CRPPA: variants seen among roughly 807,000 people sequenced by gnomAD.
CRPPA encodes CDP-L-ribitol pyrophosphorylase A, also known as D-ribitol-5-phosphate cytidylyltransferase.
CRPPA carries 43 observed loss-of-function variants against 52.0 expected under a neutral mutation model. The observed-to-expected ratio is 0.83, with a 90% CI of 0.65 to 1.07. The LOEUF is 1.07. CRPPA is among the 50% of genes least tolerant of loss of function. The probability of loss-of-function intolerance (pLI) is 0.00; values close to 1 mark genes in which losing one functional copy is unlikely to be tolerated. For missense variants in CRPPA, 629 were observed against 551.7 expected, an observed-to-expected ratio of 1.14 and a Z score of -1.40; for synonymous variants, 250 against 203.5, an observed-to-expected ratio of 1.23 and a Z score of -1.94.
intron 2 of CRPPA, among the ~76,000 whole-genome samples, chr7:16,385,817 C>T (rs1787251019): frequency 2.0e-5 from 3 of 152,212 alleles, no homozygotes; most frequent in Admixed American, 1.3e-4. Context: ...TGTGGCTCAT[C>T]TGTTTGGCTG....
intron 9 of CRPPA, among the ~76,000 whole-genome samples, chr7:16,094,489 C>CA (rs1013077870): frequency 3.3e-5 from 5 of 151,568 alleles, no homozygotes; most frequent in Non-Finnish European, 5.9e-5. Context: ...AGCAAACATA[C>CA]AAAAAAAATG....
intron 6 of CRPPA, among the ~76,000 whole-genome samples, chr7:16,265,951 C>T (rs759653208): frequency 5.9e-4 from 90 of 152,174 alleles, no homozygotes; most frequent in Non-Finnish European, 1.1e-3. Context: ...GGTCCACATA[C>T]ATAACCTCTA....
intron 2 of CRPPA, among the ~76,000 whole-genome samples, chr7:16,379,614 A>G (rs1201114435): frequency 6.6e-6 from 1 of 152,104 alleles, no homozygotes; most frequent in Non-Finnish European, 1.5e-5. Flanking sequence ...GATTCCTCCT[A>G]CCCATGAGCA....
intron 8 of CRPPA, among the ~76,000 whole-genome samples, chr7:16,248,244 T>C (rs1256698130): frequency 6.6e-6 from 1 of 152,084 alleles, no homozygotes. Context: ...GTGGCTGAGC[T>C]GGAGGGATCA....
At chr7:16,213,413 T>C (rs902408902) in intron 9 of CRPPA, among the ~76,000 whole-genome samples, 1 of 150,230 alleles carries the variant, frequency 6.7e-6, no homozygotes, top group East Asian at 2.0e-4. Flanking sequence ...GGGGACTTAT[T>C]TATAATAATT....
chr7:16,389,417 T>C (rs1787378905), intron 2 of CRPPA, among the ~76,000 whole-genome samples: 1 of 152,066 alleles, frequency 6.6e-6, no homozygotes, highest in African/African-American at 2.4e-5. Flanking sequence ...CATGACCAAG[T>C]GGGATTTATC....
At chr7:16,378,341 A>C (rs1486434388) in intron 2 of CRPPA, among the ~76,000 whole-genome samples, 5 of 136,714 alleles carry the variant, frequency 3.7e-5, no homozygotes, top group Non-Finnish European at 6.1e-5. Flanking sequence ...ATTCCCACCT[A>C]TGAGTGAGAA....
intron 9 of CRPPA, among the ~76,000 whole-genome samples, chr7:16,100,608 T>A (rs541714407): frequency 6.6e-6 from 1 of 152,230 alleles, no homozygotes; most frequent in Non-Finnish European, 1.5e-5. Flanking sequence ...CAGAGACAAT[T>A]TGACTTCCTC....
chr7:16,257,346 A>T (rs1425477250), intron 8 of CRPPA, among the ~76,000 whole-genome samples: 2 of 152,136 alleles, frequency 1.3e-5, no homozygotes, highest in African/African-American at 4.8e-5. Flanking sequence ...TCTCTATCCT[A>T]CAGAGCCTCA....
At chr7:16,240,383 T>C (rs1432082863) in intron 8 of CRPPA, among the ~76,000 whole-genome samples, 1 of 151,908 alleles carries the variant, frequency 6.6e-6, no homozygotes, top group Non-Finnish European at 1.5e-5. Flanking sequence ...AGTGTACAAC[T>C]ATGAAAGAGA....
intron 9 of CRPPA, among the ~76,000 whole-genome samples, chr7:16,146,661 G>A (rs1452042781): frequency 6.6e-6 from 1 of 152,080 alleles, no homozygotes; most frequent in East Asian, 1.9e-4. Context: ...GTAGAATTTT[G>A]TATTAATCCA....
At chr7:16,231,992 A>G (rs919995438) in intron 8 of CRPPA, among the ~76,000 whole-genome samples, 8 of 152,156 alleles carry the variant, frequency 5.3e-5, no homozygotes. Context: ...GAATCTGGGG[A>G]GACCAAGGTA....
intron 9 of CRPPA, among the ~76,000 whole-genome samples, chr7:16,147,481 C>T (rs149654290): frequency 3.3e-5 from 5 of 152,290 alleles, no homozygotes; most frequent in African/African-American, 1.2e-4. Context: ...TTGAATGCCT[C>T]TACCAAGCAC....
intron 3 of CRPPA, among the ~76,000 whole-genome samples, chr7:16,347,255 A>G (rs939056553): frequency 6.6e-6 from 1 of 152,156 alleles, no homozygotes; most frequent in African/African-American, 2.4e-5. Flanking sequence ...GTCTAGTTTC[A>G]GAGTTCTATG....
At chr7:16,390,580 T>C (rs965927998) in intron 2 of CRPPA, among the ~76,000 whole-genome samples, 2 of 152,206 alleles carry the variant, frequency 1.3e-5, no homozygotes, top group African/African-American at 2.4e-5. Context: ...CCTAGGTCCT[T>C]ACTTTCTCAG....
chr7:16,165,896 C>T (rs754146752), intron 9 of CRPPA, among the ~76,000 whole-genome samples: 2 of 152,188 alleles, frequency 1.3e-5, no homozygotes, highest in South Asian at 2.1e-4. Flanking sequence ...TAAAATCTTC[C>T]GGATGAAAAG....
intron 2 of CRPPA, among the ~76,000 whole-genome samples, chr7:16,402,720 T>C (rs1787851273): frequency 6.6e-6 from 1 of 150,932 alleles, no homozygotes; most frequent in Non-Finnish European, 1.5e-5. Flanking sequence ...AAATGAGAAA[T>C]TGGAAACAAG....
At chr7:16,328,689 A>T (rs1436733575) in intron 3 of CRPPA, among the ~76,000 whole-genome samples, 2 of 151,844 alleles carry the variant, frequency 1.3e-5, no homozygotes, top group Non-Finnish European at 2.9e-5. Context: ...TAATTTTTGT[A>T]TTTTTAGTAG....
intron 3 of CRPPA, among the ~76,000 whole-genome samples, chr7:16,364,322 G>A (rs78349422): frequency 0.023 from 3,544 of 152,290 alleles, 127 homozygotes; most frequent in African/African-American, 0.08. Context: ...TTGATCAATT[G>A]ATGAATGAAT....
Sources: allele counts gnomAD v4.1 joint callset (sites outside exome capture counted in the v4.1 genomes callset), GRCh38; gene constraint gnomAD v4.1.1; transcripts MANE v1.5; gene names NCBI Gene and HGNC (gene_info 2026-07-23, HGNC 2026-07-21).